HMGB1: variants seen among roughly 807,000 people sequenced by gnomAD.
HMGB1 encodes the protein high mobility group box 1.
For synonymous variants in HMGB1, 81 were observed against 84.0 expected, an observed-to-expected ratio of 0.96 and a Z score of 0.19; for missense variants, 79 against 253.5, an observed-to-expected ratio of 0.31 and a Z score of 4.67.
intron 1 of HMGB1, among the ~76,000 whole-genome samples, chr13:30,585,415 T>C (rs557950131): frequency 1.3e-5 from 2 of 152,192 alleles, no homozygotes; most frequent in South Asian, 2.1e-4. Context: ...GGGGTGGGCA[T>C]GGTGGTTCAT....
At chr13:30,532,448 A>G (rs1888517861) in intron 1 of HMGB1, among the ~76,000 whole-genome samples, 1 of 152,142 alleles carries the variant, frequency 6.6e-6, no homozygotes, top group Admixed American at 6.6e-5. Flanking sequence ...ATTCTTTTAA[A>G]TAGCTCCATA....
At position 30,537,678 on chromosome 13, in the gene HMGB1, T is replaced by C. The variant is rs928364198; in HGVS notation, c.-14-73984A>G. Among the ~76,000 whole-genome samples the C allele has an allele frequency of 1.0e-4, 12 of 118,028 alleles. 1 individual carries two copies. The Admixed American group carries it at 1.0e-3, about 10-fold the overall frequency. The allele number at this position is 118,028 out of a possible 152,430, so 77.4% of individuals were successfully genotyped here. On this transcript the variant is annotated intron_variant, in intron 1 of 4. Coordinates refer to the HMGB1 transcript ENST00000405805. ...ATATATATATATATATATATATATA[T>C]ATATATATATATATATATAAAATTG...
At chr13:30,491,660 CAAA>C (rs71093072) in intron 1 of HMGB1, among the ~76,000 whole-genome samples, 1 of 120,112 alleles carries the variant, frequency 8.3e-6, no homozygotes, top group African/African-American at 3.2e-5. Context: ...GACCCTATCT[CAAA>C]AAAAAAAAAA....
chr13:30,485,531 T>A (rs2137435558), intron 1 of HMGB1, among the ~76,000 whole-genome samples: 1 of 151,782 alleles, frequency 6.6e-6, no homozygotes, highest in African/African-American at 2.4e-5. Flanking sequence ...ACCTATGACT[T>A]TTTTTAGAGC....
At chr13:30,519,253 C>T (rs1189812999) in intron 1 of HMGB1, among the ~76,000 whole-genome samples, 1 of 151,358 alleles carries the variant, frequency 6.6e-6, no homozygotes, top group Non-Finnish European at 1.5e-5. Context: ...ATTAGGGAGA[C>T]GTGGTGGCAC....
chr13:30,473,379 G>A (rs1418556000), intron 1 of HMGB1, among the ~76,000 whole-genome samples: 1 of 152,156 alleles, frequency 6.6e-6, no homozygotes, highest in Non-Finnish European at 1.5e-5. Context: ...CCTGTCCTCT[G>A]GTTAGTCAAA....
intron 1 of HMGB1, among the ~76,000 whole-genome samples, chr13:30,595,475 A>G (rs1871566102): frequency 6.6e-6 from 1 of 152,254 alleles, no homozygotes; most frequent in South Asian, 2.1e-4. Flanking sequence ...GATATATACA[A>G]TGATCTGAGA....
At chr13:30,482,499 A>G (rs1263316609) in intron 1 of HMGB1, among the ~76,000 whole-genome samples, 1 of 152,164 alleles carries the variant, frequency 6.6e-6, no homozygotes, top group African/African-American at 2.4e-5. Context: ...TAATTATCAC[A>G]TCAAGCCTTT....
chr13:30,616,092 T>C (rs529752869), intron 1 of HMGB1, among the ~76,000 whole-genome samples: 1 of 152,352 alleles, frequency 6.6e-6, no homozygotes, highest in East Asian at 1.9e-4. Context: ...CGTTACTCTA[T>C]AATATAAACG....
chr13:30,492,419 T>C (rs1286213688), intron 1 of HMGB1, among the ~76,000 whole-genome samples: 1 of 151,950 alleles, frequency 6.6e-6, no homozygotes, highest in Non-Finnish European at 1.5e-5. Context: ...GTATCTAGAA[T>C]GTATAAAGGG....
chr13:30,609,046 G>A (rs1950487747), intron 1 of HMGB1, among the ~76,000 whole-genome samples: 1 of 148,666 alleles, frequency 6.7e-6, no homozygotes, highest in South Asian at 2.1e-4. Context: ...TGGATCACGA[G>A]GTCAGGAGAT....
chr13:30,501,044 G>C (rs1008373721), intron 1 of HMGB1, among the ~76,000 whole-genome samples: 3 of 151,934 alleles, frequency 2.0e-5, no homozygotes, highest in African/African-American at 7.3e-5. Flanking sequence ...GACTAGTCTT[G>C]AACTCCTCCT....
At chr13:30,595,349 G>A (rs145175420) in intron 1 of HMGB1, among the ~76,000 whole-genome samples, 2 of 152,208 alleles carry the variant, frequency 1.3e-5, no homozygotes, top group African/African-American at 2.4e-5. Flanking sequence ...TTCTAGCCAC[G>A]ATCCAAGTCA....
chr13:30,507,532 T>C (rs1315764020), intron 1 of HMGB1, among the ~76,000 whole-genome samples: 1 of 152,226 alleles, frequency 6.6e-6, no homozygotes, highest in Non-Finnish European at 1.5e-5. Context: ...AGACTGACTC[T>C]TCACAGTCAT....
At chr13:30,534,026 G>A (rs557240924) in intron 1 of HMGB1, among the ~76,000 whole-genome samples, 1 of 151,968 alleles carries the variant, frequency 6.6e-6, no homozygotes, top group Non-Finnish European at 1.5e-5. Context: ...CACCACACCC[G>A]GCTAATTTTG....
At chr13:30,512,990 C>G (rs778217674) in intron 1 of HMGB1, among the ~76,000 whole-genome samples, 3 of 152,086 alleles carry the variant, frequency 2.0e-5, no homozygotes, top group Non-Finnish European at 4.4e-5. Context: ...TGGTGAAACC[C>G]CATCTCTAAT....
chr13:30,467,458 C>T (rs1412125), upstream of HMGB1, among the ~76,000 whole-genome samples: 72,396 of 152,008 alleles, frequency 0.48, 17,501 homozygotes, highest in East Asian at 0.73. Flanking sequence ...AATACACTAT[C>T]GGACTCAGGG....
chr13:30,591,231 T>C (rs9551945), intron 1 of HMGB1, among the ~76,000 whole-genome samples: 73,438 of 151,406 alleles, frequency 0.49, 20,060 homozygotes, highest in African/African-American at 0.75. Flanking sequence ...GGGGTTTCAC[T>C]ATGTTGGCCA....
chr13:30,549,756 C>T (rs181550333), intron 1 of HMGB1, among the ~76,000 whole-genome samples: 14 of 150,080 alleles, frequency 9.3e-5, no homozygotes, highest in Admixed American at 6.7e-4. Flanking sequence ...TCAGCCTGCA[C>T]GCCAGGCTGG....
Sources: gnomAD v4.1 joint callset for allele counts (sites outside exome capture counted in the v4.1 genomes callset) on GRCh38, gnomAD v4.1.1 for gene constraint, MANE v1.5 for transcripts, NCBI Gene and HGNC (gene_info 2026-07-23, HGNC 2026-07-21) for gene names.